NDRG1: variants seen among roughly 807,000 people sequenced by gnomAD.
NDRG1 encodes N-myc downstream regulated 1.
Under a neutral mutation model 56.9 loss-of-function variants are expected in NDRG1, and 32 were observed. The ratio of observed to expected loss-of-function variants is 0.56; its 90% CI spans 0.42 to 0.76. NDRG1 has a LOEUF of 0.76. NDRG1 is among the 30% of genes least tolerant of loss of function. The pLI is 0.00. For missense variants in NDRG1, 507 were observed against 545.7 expected (o/e 0.93, Z 0.71); for synonymous variants, 211 against 204.1 (o/e 1.03, Z -0.29).
intron 1 of NDRG1, among the ~76,000 whole-genome samples, chr8:133,292,418 C>T (rs1339491066): frequency 6.6e-6 from 1 of 152,156 alleles, no homozygotes; most frequent in Non-Finnish European, 1.5e-5. Flanking sequence ...TCCACCACCA[C>T]TAACACAACA....
chr8:133,259,312 G>T (rs879032049), intron 5 of NDRG1, 82 bp from the exon 6 acceptor site: 6 of 1,424,432 alleles, frequency 4.2e-6, no homozygotes, highest in Non-Finnish European at 5.0e-6. Flanking sequence ...GAAGGGTGGG[G>T]ACCATGCAGC....
chr8:133,258,557 A>G, intron 6 of NDRG1, 131 bp from the exon 7 acceptor site: 1 of 868,698 alleles, frequency 1.2e-6, no homozygotes, highest in South Asian at 1.4e-5. Context: ...AACTGCCTGC[A>G]CAGCTCTGAG....
At chr8:133,266,119 A>T (rs1053266012) in intron 3 of NDRG1, among the ~76,000 whole-genome samples, 6 of 152,234 alleles carry the variant, frequency 3.9e-5, no homozygotes, top group African/African-American at 1.4e-4. Flanking sequence ...CAGCTGGCTG[A>T]GGAAGTGAAG....
At chr8:133,258,283 G>C in intron 7 of NDRG1, 83 bp downstream of exon 7, 1 of 1,412,976 alleles carries the variant, frequency 7.1e-7, no homozygotes, top group Non-Finnish European at 9.8e-7. Flanking sequence ...TTCCCTTTTG[G>C]GTTTTTGATG....
At position 133,262,230 on chromosome 8, in the gene NDRG1, C is replaced by T. The variant is rs1277193472; in HGVS notation, c.206-63G>A. On this transcript the variant is annotated intron_variant, in intron 4 of 15. Coordinates refer to ENST00000323851, the MANE Select transcript of NDRG1 (RefSeq NM_006096.4). Reference sequence around the variant, plus strand: ...AAGATGAGAAAAAAATTAGGTGTCTCGGTGGCAAAGCACATTCATTTTGTT... The same window carrying T: ...AAGATGAGAAAAAAATTAGGTGTCTTGGTGGCAAAGCACATTCATTTTGTT... 43 of 1,584,448 alleles carry T rather than the reference C, an allele frequency of 2.7e-5. No individual in the cohort carries two copies. In the East Asian group the frequency reaches 5.1e-4, roughly 19 times the overall value.
chr8:133,245,100 T>A (rs1855599038), intron 13 of NDRG1, among the ~76,000 whole-genome samples: 1 of 152,044 alleles, frequency 6.6e-6, no homozygotes, highest in Non-Finnish European at 1.5e-5. Flanking sequence ...CCCCCAACAC[T>A]AGCCACAAAG....
At chr8:133,294,662 C>T (rs1858632511) in intron 1 of NDRG1, among the ~76,000 whole-genome samples, 1 of 129,194 alleles carries the variant, frequency 7.7e-6, no homozygotes, top group South Asian at 2.2e-4. Context: ...TGAGATCTGT[C>T]TTCTGTCATG....
At chr8:133,250,633 CAAAGT>C (rs1855965615) in intron 9 of NDRG1, 90 bp from the exon 10 acceptor site, 1 of 1,107,748 alleles carries the variant, frequency 9.0e-7, no homozygotes, top group African/African-American at 1.5e-5. Flanking sequence ...TATTTGGAGA[CAAAGT>C]AAAGATAATA....
At chr8:133,278,813 G>C (rs1020316272) in intron 3 of NDRG1, among the ~76,000 whole-genome samples, 5 of 151,886 alleles carry the variant, frequency 3.3e-5, no homozygotes, top group Non-Finnish European at 7.4e-5. Context: ...GTGAGGCCCA[G>C]AGTCTGGCAC....
chr8:133,265,486 C>CA (rs1856872124), intron 3 of NDRG1, among the ~76,000 whole-genome samples: 1 of 152,182 alleles, frequency 6.6e-6, no homozygotes, highest in Non-Finnish European at 1.5e-5. Flanking sequence ...CCATGTAAGC[C>CA]ATGTTGAGTT....
In NDRG1 at chr8:133,244,398, A is replaced by G; in HGVS notation, c.856-8T>C. The stretch of plus-strand genomic sequence containing the variant: ...GCCGCCACAGTCCGCCATCTAGGAG[A>G]GAGGGAAGCTCGTTAGTGCCAAACA... On this transcript the variant is annotated splice_region_variant and splice_polypyrimidine_tract_variant and intron_variant, in intron 13 of 15. Transcript: ENST00000323851. The G allele has an allele frequency of 6.2e-7, 1 of 1,614,184 alleles. No homozygotes were observed. Among genetic ancestry groups the G allele is most frequent in the Non-Finnish European group, 8.5e-7 (1 of 1,180,020 alleles).
chr8:133,242,235 CA>C (rs1855428551), intron 14 of NDRG1, among the ~76,000 whole-genome samples, 161 bp from the exon 15 acceptor site: 1 of 152,124 alleles, frequency 6.6e-6, no homozygotes, highest in South Asian at 2.1e-4. Flanking sequence ...GAGTATGGGA[CA>C]ATGATGGGAA....
intron 3 of NDRG1, among the ~76,000 whole-genome samples, chr8:133,277,790 G>A (rs1053549607): frequency 1.3e-5 from 2 of 152,076 alleles, no homozygotes; most frequent in Non-Finnish European, 2.9e-5. Context: ...CACTGATGCG[G>A]GAAGCACCAC....
chr8:133,272,153 T>C (rs1310913023), intron 3 of NDRG1, among the ~76,000 whole-genome samples: 15 of 152,214 alleles, frequency 9.9e-5, no homozygotes, highest in African/African-American at 3.4e-4. Context: ...GTCAAGAGAA[T>C]TAAACAAAGT....
At chr8:133,289,403 T>C (rs1858306691) in intron 1 of NDRG1, among the ~76,000 whole-genome samples, 1 of 152,134 alleles carries the variant, frequency 6.6e-6, no homozygotes, top group Non-Finnish European at 1.5e-5. Context: ...GGATGTGGCC[T>C]GGGTTTCAGT....
In NDRG1 at chr8:133,279,675, C is replaced by T. The variant is rs1021298560; in HGVS notation, c.99+557G>A. On this transcript the variant is annotated intron_variant, in intron 3 of 15. Coordinates refer to ENST00000323851, the MANE Select transcript of NDRG1 (RefSeq NM_006096.4). ...GGGACCCACCCCAGCTTGGGGCTAA[C>T]GAGTCCAGGACTTAGATTTCCTGAA... 8.5e-5 allele frequency among the ~76,000 whole-genome samples: 13 copies of T among 152,186 alleles called. 1 individual carries two copies. Among genetic ancestry groups the T allele is most frequent in the South Asian group, 8.3e-4 (4 of 4,820 alleles).
At chr8:133,249,022 CT>C (rs973597221) in intron 10 of NDRG1, among the ~76,000 whole-genome samples, 3 of 151,934 alleles carry the variant, frequency 2.0e-5, no homozygotes, top group African/African-American at 4.8e-5. Context: ...ATTTGTGGGG[CT>C]TTTTTTTCCA....
intron 8 of NDRG1, chr8:133,254,940 C>G (rs1380474340): frequency 4.7e-5 from 17 of 363,486 alleles, no homozygotes; most frequent in Non-Finnish European, 6.3e-5. Flanking sequence ...CCATTCACCT[C>G]TTCTAAAAAC....
intron 8 of NDRG1, 36 bp from the exon 9 acceptor site, chr8:133,254,631 G>A (rs1290236033): frequency 1.2e-6 from 2 of 1,608,772 alleles, no homozygotes; most frequent in East Asian, 2.2e-5. Flanking sequence ...GAGAAACCAG[G>A]AGCTAACAGT....
Sources: allele counts gnomAD v4.1 joint callset (sites outside exome capture counted in the v4.1 genomes callset), GRCh38; gene constraint gnomAD v4.1.1; transcripts MANE v1.5; gene names NCBI Gene and HGNC (gene_info 2026-07-23, HGNC 2026-07-21).